The following PCLO variants were observed in gnomAD, a reference collection of about 807,000 sequenced individuals.
PCLO encodes piccolo presynaptic cytomatrix protein.
Under a neutral mutation model 427.5 loss-of-function variants are expected in PCLO, and 82 were observed. The observed-to-expected ratio is 0.19, with a 90% CI of 0.16 to 0.23. The LOEUF (loss-of-function observed/expected upper bound fraction) is 0.23. PCLO is among the 10% of genes least tolerant of loss of function. The pLI is 1.00. For synonymous variants in PCLO, 2,357 were observed against 2,155.4 expected (o/e 1.09, Z -2.59); for missense variants, 6,239 against 6,115.9 (o/e 1.02, Z -0.67).
chr7:82,884,789 T>C (rs1793591441), intron 9 of PCLO, among the ~76,000 whole-genome samples: 1 of 152,090 alleles, frequency 6.6e-6, no homozygotes, highest in African/African-American at 2.4e-5. Flanking sequence ...GTGAGGTCAT[T>C]CACTATGGTG....
chr7:82,987,586 A>G (rs910739603), intron 3 of PCLO, among the ~76,000 whole-genome samples: 4 of 152,022 alleles, frequency 2.6e-5, no homozygotes, highest in Non-Finnish European at 4.4e-5. Flanking sequence ...CTAACGTGCA[A>G]TTTTAAATAG....
chr7:82,770,386 T>G (rs191741704), intron 22 of PCLO, among the ~76,000 whole-genome samples: 5 of 152,138 alleles, frequency 3.3e-5, no homozygotes, highest in Admixed American at 3.3e-4. Flanking sequence ...CTCACTCAAT[T>G]ATCTGTTTTC....
chr7:83,114,531 T>G (rs570996397), intron 3 of PCLO, among the ~76,000 whole-genome samples: 12 of 152,084 alleles, frequency 7.9e-5, no homozygotes, highest in Non-Finnish European at 1.5e-4. Flanking sequence ...GCACAAATCA[T>G]CAGACATCTA....
chr7:82,864,841 AATTG>A (rs1196205247), intron 10 of PCLO, among the ~76,000 whole-genome samples: 1 of 152,214 alleles, frequency 6.6e-6, no homozygotes, highest in South Asian at 2.1e-4. Context: ...TCAAAATTGC[AATTG>A]ATTATTAATT....
chr7:83,153,597 T>C (rs1792192435), intron 2 of PCLO, among the ~76,000 whole-genome samples: 1 of 152,218 alleles, frequency 6.6e-6, no homozygotes, highest in Non-Finnish European at 1.5e-5. Context: ...GCAGATGTAA[T>C]GCACAGATAG....
chr7:82,919,519 T>C (rs547374900), intron 6 of PCLO, among the ~76,000 whole-genome samples: 1 of 152,080 alleles, frequency 6.6e-6, no homozygotes, highest in African/African-American at 2.4e-5. Flanking sequence ...TTTTAAAACA[T>C]AGTTCAGCTC....
At chr7:82,924,477 C>T (rs1421715835) in intron 6 of PCLO, among the ~76,000 whole-genome samples, 1 of 152,036 alleles carries the variant, frequency 6.6e-6, no homozygotes, top group Non-Finnish European at 1.5e-5. Flanking sequence ...AATGAGCATA[C>T]TCAGTGAAGA....
intron 7 of PCLO, among the ~76,000 whole-genome samples, chr7:82,911,373 G>A (rs1037610087): frequency 2.0e-5 from 3 of 151,750 alleles, no homozygotes; most frequent in African/African-American, 7.3e-5. Flanking sequence ...AAATCTCAGT[G>A]AAAAAGTAAA....
chr7:83,070,638 C>T lies in PCLO; in HGVS notation c.3300+63612G>A, dbSNP rs147482293. Among the ~76,000 whole-genome samples, 642 of 152,264 alleles carry T rather than the reference C, an allele frequency of 4.2e-3. 2 individuals carry two copies. The highest frequency in any genetic ancestry group is 0.014 in the Middle Eastern group (4 of 294). On this transcript the variant is annotated intron_variant, in intron 3 of 24. Transcript: ENST00000333891. ...TCCTGACCTTGTGATCCGCCCGCCT[C>T]GGCCTCCCAGAGTGCTGGGATTACA...
At chr7:83,094,211 T>C (rs1416833112) in intron 3 of PCLO, among the ~76,000 whole-genome samples, 1 of 31,760 alleles carries the variant, frequency 3.1e-5, no homozygotes, top group African/African-American at 1.1e-4. Context: ...TTTTTTTTTC[T>C]TTTTTTTTTT....
Position 82,908,901 on chromosome 7 carries a change from T to A in PCLO, c.13413A>T (p.Arg4471Ser), listed in dbSNP as rs771693697. ...CTTGCTCTTGATGTTGACTGAGTGG[T>A]CTAGAGTGGACCAATCTTTCCGGCA... Reference protein sequence around the residue: ...RKLPERLVHSRPLSQHQEQII... With the variant: ...RKLPERLVHSSPLSQHQEQII... The change falls in exon 8 of 25, where the codon AGA becomes AGT. Residue 4471 changes from arginine to serine, a missense_variant. By Grantham distance (110) the Arg-to-Ser change is moderately radical (BLOSUM62 -1). Around this residue, in one of 5 missense-constraint regions of PCLO, gnomAD observed 877 missense variants for 925.5 expected, o/e 0.95. Coordinates refer to ENST00000333891, the MANE Select transcript of PCLO (RefSeq NM_033026.6). The A allele has an allele frequency of 1.9e-6, 3 of 1,612,858 alleles. No homozygotes were observed. The highest frequency in any genetic ancestry group is 2.5e-6 in the Non-Finnish European group (3 of 1,179,164).
At chr7:82,991,026 T>C (rs976818410) in intron 3 of PCLO, among the ~76,000 whole-genome samples, 4 of 152,156 alleles carry the variant, frequency 2.6e-5, no homozygotes, top group Non-Finnish European at 5.9e-5. Context: ...AGTAGTCATT[T>C]GTTATTCTAT....
chr7:83,118,982 A>C (rs558502624), intron 3 of PCLO, among the ~76,000 whole-genome samples: 78 of 152,254 alleles, frequency 5.1e-4, no homozygotes, highest in Non-Finnish European at 8.5e-4. Flanking sequence ...ATATAAAAAA[A>C]AATTTTATCT....
In PCLO at chr7:82,952,571, T is replaced by C. The variant is rs1224453625; in HGVS notation, c.8382A>G (p.Thr2794=). The C allele has an allele frequency of 1.9e-6, 3 of 1,613,966 alleles. No individual in the cohort carries two copies. Among genetic ancestry groups the C allele is most frequent in the Non-Finnish European group, 2.5e-6 (3 of 1,179,854 alleles). The change falls in exon 5 of 25, where the codon ACA becomes ACG. Residue 2794 remains threonine (T), a synonymous_variant. Transcript: ENST00000333891. ...TAGCTGTGCATGTGACAAAGGTCAC[T>C]GTCTCAGTGGCCAGAGATACAGGAG... ...IVTPVSLATE[T]VTFVTCTASA...
At chr7:83,121,774 A>G (rs1035569734) in intron 3 of PCLO, among the ~76,000 whole-genome samples, 1 of 152,192 alleles carries the variant, frequency 6.6e-6, no homozygotes, top group African/African-American at 2.4e-5. Flanking sequence ...AAAAGAATCA[A>G]AGAAGGTAAT....
chr7:83,147,203 C>T (rs1016047172), intron 2 of PCLO, among the ~76,000 whole-genome samples: 2 of 151,738 alleles, frequency 1.3e-5, no homozygotes, highest in African/African-American at 4.8e-5. Context: ...GAAAACAGTG[C>T]AAACTGGATC....
intron 6 of PCLO, among the ~76,000 whole-genome samples, chr7:82,924,465 A>G (rs926823678): frequency 1.3e-5 from 2 of 152,130 alleles, no homozygotes; most frequent in African/African-American, 2.4e-5. Flanking sequence ...TACAATTACA[A>G]CAATGAGCAT....
In PCLO at chr7:82,776,309, T is replaced by G. The variant is rs945341883; in HGVS notation, c.15008-14816A>C. On this transcript the variant is annotated intron_variant, in intron 22 of 24. Transcript: ENST00000333891. ...TAATGTTTTAATAAAATGTAAAAACTGGGCCGGGCGTGGTGGCTCATGCTT... is the reference window on the plus strand; with the variant it reads ...TAATGTTTTAATAAAATGTAAAAACGGGGCCGGGCGTGGTGGCTCATGCTT... Among the ~76,000 whole-genome samples the G allele has an allele frequency of 1.4e-4, 22 of 152,130 alleles. 1 individual carries two copies. Among genetic ancestry groups the G allele is most frequent in the Admixed American group, 5.2e-4 (8 of 15,254 alleles).
chr7:82,999,520 A>G lies in PCLO; in HGVS notation c.3301-33033T>C. Reference sequence around the variant, plus strand: ...ATATAATATTATATTAAAATATAAAATATAATATTATATTAAAATATAAAA... The same window carrying G: ...ATATAATATTATATTAAAATATAAAGTATAATATTATATTAAAATATAAAA... On this transcript the variant is annotated intron_variant, in intron 3 of 24. Transcript: ENST00000333891. Among the ~76,000 whole-genome samples the G allele has an allele frequency of 4.2e-5, 3 of 72,112 alleles. 1 individual carries two copies. Among genetic ancestry groups the G allele is most frequent in the Non-Finnish European group, 7.3e-5 (3 of 41,318 alleles). 47.3% of individuals were successfully genotyped at this position (72,112 alleles called of 152,430 possible).
Sources: gnomAD v4.1 joint callset for allele counts (sites outside exome capture counted in the v4.1 genomes callset) on GRCh38, gnomAD v4.1.1 for gene constraint, gnomAD v4.1.1 regional missense constraint, MANE v1.5 for transcripts, NCBI Gene and HGNC (gene_info 2026-07-23, HGNC 2026-07-21) for gene names.